Variants in FGGY observed in about 807,000 individuals in gnomAD.
FGGY encodes FGGY carbohydrate kinase domain containing.
A neutral mutation model predicts 71.3 loss-of-function variants in FGGY; 72 were observed. That is an observed-to-expected ratio of 1.01 (90% CI 0.84 to 1.23). FGGY has a LOEUF of 1.23. Ranked by LOEUF, FGGY falls within the 50% of genes most tolerant of loss-of-function variation. The pLI, the probability that FGGY is intolerant of heterozygous loss-of-function variation, is 0.00. For missense variants in FGGY, 668 were observed against 682.3 expected (o/e 0.98, Z 0.23); for synonymous variants, 251 against 250.3 (o/e 1.00, Z -0.02).
rs199980192 is a variant in FGGY, at chr1:59,321,598, G to A, written c.49G>A (p.Val17Ile). ...KPERYYVGVD[V>I]GTGSVRAALV... is the part of the protein sequence containing the mutation. ...AGAGAGGTACTATGTGGGTGTGGAC[G>A]TTGGAACAGGCAGTGTCCGTGCAGC... The change falls in exon 2 of 16, where the codon GTT (valine) becomes ATT (isoleucine). Residue 17 changes from valine to isoleucine, a missense_variant. Val to Ile is a conservative substitution (Grantham distance 29). Transcript: ENST00000303721. 1.1e-3 allele frequency: 1,712 copies of A among 1,613,818 alleles called. 2 individuals carry two copies. Among genetic ancestry groups the A allele is most frequent in the Non-Finnish European group, 1.3e-3 (1,571 of 1,179,888 alleles).
intron 6 of FGGY, among the ~76,000 whole-genome samples, chr1:59,479,408 T>G (rs1022912232): frequency 2.0e-5 from 3 of 152,132 alleles, no homozygotes; most frequent in Admixed American, 2.0e-4. Context: ...GATAAGAAGA[T>G]TCTAGTAGTG....
rs1410657992 is a variant in FGGY at position 59,615,277 on chromosome 1, G to A, written c.1011+7367G>A. 3.3e-5 allele frequency among the ~76,000 whole-genome samples: 5 copies of A among 152,134 alleles called. No individual in the cohort carries two copies. In the East Asian group the frequency reaches 9.6e-4, roughly 29 times the overall value. On this transcript the variant is annotated intron_variant, in intron 9 of 15. Coordinates refer to ENST00000303721, the MANE Select transcript of FGGY (RefSeq NM_018291.5). ...CTACAAGGCTACAGCAACCAAAACA[G>A]CATGGTACTGGTATCATAACAGAGA...
intron 6 of FGGY, among the ~76,000 whole-genome samples, chr1:59,510,551 T>G (rs1453676287): frequency 6.6e-6 from 1 of 152,204 alleles, no homozygotes; most frequent in Non-Finnish European, 1.5e-5. Flanking sequence ...TGCCCCATCC[T>G]TTGAGCATCT....
At chr1:59,661,543 A>G (rs1430183556) in intron 12 of FGGY, among the ~76,000 whole-genome samples, 1 of 152,198 alleles carries the variant, frequency 6.6e-6, no homozygotes. Context: ...AAAGCACACA[A>G]TTCTGACATC....
Position 59,681,963 on chromosome 1 carries a change from A to C in FGGY, c.1512+7830A>C, listed in dbSNP as rs546559362. ...AAAGAAATCATAATTATAGTTTCCTAACAGAGGTATTTGATCCTCTGCAGT... is the reference window on the plus strand; with the variant it reads ...AAAGAAATCATAATTATAGTTTCCTCACAGAGGTATTTGATCCTCTGCAGT... On this transcript the variant is annotated intron_variant, in intron 14 of 15. Coordinates refer to ENST00000303721, the MANE Select transcript of FGGY (RefSeq NM_018291.5). 1.8e-3 allele frequency among the ~76,000 whole-genome samples: 281 copies of C among 152,348 alleles called. 1 individual carries two copies. Among genetic ancestry groups the C allele is most frequent in the Middle Eastern group, 3.4e-3 (1 of 294 alleles).
chr1:59,674,192 C>G (rs1326715850), intron 14 of FGGY, 59 bp downstream of exon 14: 2 of 1,295,406 alleles, frequency 1.5e-6, no homozygotes, highest in African/African-American at 2.9e-5. Flanking sequence ...CATCCTTCCT[C>G]TTGACAGCAG....
At chr1:59,641,519 G>T (rs940951226) in intron 11 of FGGY, among the ~76,000 whole-genome samples, 1 of 152,208 alleles carries the variant, frequency 6.6e-6, no homozygotes, top group Non-Finnish European at 1.5e-5. Context: ...ATGTGTGTAT[G>T]TGTGTGTATA....
At chr1:59,510,640 C>A (rs1471438320) in intron 6 of FGGY, among the ~76,000 whole-genome samples, 1 of 151,988 alleles carries the variant, frequency 6.6e-6, no homozygotes, top group Non-Finnish European at 1.5e-5. Flanking sequence ...TTTTTAGTAG[C>A]CATGCTGAAG....
chr1:59,713,618 T>C (rs1399519782), intron 14 of FGGY, among the ~76,000 whole-genome samples: 1 of 152,242 alleles, frequency 6.6e-6, no homozygotes, highest in African/African-American at 2.4e-5. Flanking sequence ...TATGAAATAA[T>C]GGTGAGAGTA....
chr1:59,497,171 T>C (rs570926359), intron 6 of FGGY, among the ~76,000 whole-genome samples: 52 of 152,222 alleles, frequency 3.4e-4, no homozygotes, highest in African/African-American at 1.1e-3. Context: ...AACACAGATA[T>C]GTAGACCCAA....
chr1:59,449,828 G>A (rs950914743), intron 5 of FGGY, among the ~76,000 whole-genome samples: 5 of 151,956 alleles, frequency 3.3e-5, no homozygotes, highest in African/African-American at 1.2e-4. Flanking sequence ...AAGTAATCTG[G>A]GCATGGTGGT....
chr1:59,758,943 T>G (rs1001852729), intron 15 of FGGY, among the ~76,000 whole-genome samples: 1 of 152,056 alleles, frequency 6.6e-6, no homozygotes, highest in Non-Finnish European at 1.5e-5. Context: ...CAGATGCAGA[T>G]CAGAAAAATC....
intron 8 of FGGY, among the ~76,000 whole-genome samples, chr1:59,604,847 C>G (rs796684872): frequency 3.1e-4 from 47 of 152,292 alleles, no homozygotes; most frequent in African/African-American, 1.1e-3. Context: ...TCTACCTGTG[C>G]AAACCCTGGG....
chr1:59,520,660 A>G (rs2094801159), intron 7 of FGGY, among the ~76,000 whole-genome samples: 1 of 152,224 alleles, frequency 6.6e-6, no homozygotes, highest in South Asian at 2.1e-4. Flanking sequence ...ATTATTAGTA[A>G]TTAAGATAAT....
chr1:59,637,517 G>C (rs750001805), intron 10 of FGGY, among the ~76,000 whole-genome samples: 1 of 152,028 alleles, frequency 6.6e-6, no homozygotes. Context: ...CAGGAGAATC[G>C]CTTGAATCTG....
chr1:59,649,915 A>C (rs1337360126), intron 11 of FGGY, among the ~76,000 whole-genome samples: 1 of 143,320 alleles, frequency 7.0e-6, no homozygotes, highest in Non-Finnish European at 1.5e-5. Context: ...ATTATTTTGA[A>C]ATACGTCCCA....
intron 7 of FGGY, among the ~76,000 whole-genome samples, chr1:59,534,360 G>A (rs1198407642): frequency 6.6e-6 from 1 of 152,206 alleles, no homozygotes; most frequent in African/African-American, 2.4e-5. Context: ...TCTGATTGGT[G>A]TACCTGAAAG....
At chr1:59,679,267 CA>C (rs2097469698) in intron 14 of FGGY, among the ~76,000 whole-genome samples, 1 of 152,146 alleles carries the variant, frequency 6.6e-6, no homozygotes, top group Admixed American at 6.5e-5. Context: ...TTGTATATAA[CA>C]TGTCTCCCAT....
intron 6 of FGGY, among the ~76,000 whole-genome samples, chr1:59,500,827 A>C (rs139531789): frequency 6.6e-6 from 1 of 152,314 alleles, no homozygotes; most frequent in African/African-American, 2.4e-5. Context: ...GTTGAGGATA[A>C]GCAATTAATC....
Sources: allele counts gnomAD v4.1 joint callset (sites outside exome capture counted in the v4.1 genomes callset), GRCh38; gene constraint gnomAD v4.1.1; transcripts MANE v1.5; gene names NCBI Gene and HGNC (gene_info 2026-07-23, HGNC 2026-07-21).